The following CALN1 variants were observed in gnomAD, a reference collection of about 807,000 sequenced individuals.
CALN1 encodes calneuron 1, also known as calcium-binding protein 8.
CALN1 carries 17 observed loss-of-function variants against 30.6 expected under a neutral mutation model. The ratio of observed to expected loss-of-function variants is 0.56; its 90% CI spans 0.38 to 0.83. The LOEUF is 0.83. Among genes scored for constraint, CALN1 ranks in the 40% least tolerant of loss-of-function variants. The probability of loss-of-function intolerance (pLI) is 0.00; values close to 1 mark genes in which losing one functional copy is unlikely to be tolerated. For synonymous variants in CALN1, 156 were observed against 131.4 expected (o/e 1.19, Z -1.28); for missense variants, 291 against 354.9 (o/e 0.82, Z 1.45).
At chr7:72,337,024 C>CGCACCCCCT in intron 2 of CALN1, 1 of 985,608 alleles carries the variant, frequency 1.0e-6, no homozygotes, top group Non-Finnish European at 1.2e-6. Context: ...ACGTGTGCCC[C>CGCACCCCCT]GCACCCCCTG....
intron 2 of CALN1, among the ~76,000 whole-genome samples, chr7:72,375,630 T>G (rs1225284916): frequency 6.6e-6 from 1 of 150,874 alleles, no homozygotes; most frequent in Admixed American, 6.6e-5. Flanking sequence ...TAATACAAAA[T>G]TAGGCACATA....
At chr7:72,306,138 A>C (rs1202240637) in intron 2 of CALN1, among the ~76,000 whole-genome samples, 1 of 152,204 alleles carries the variant, frequency 6.6e-6, no homozygotes, top group South Asian at 2.1e-4. Context: ...ACACTGGTAT[A>C]ACATGACAAG....
chr7:72,169,580 C>T (rs775353923), intron 3 of CALN1, among the ~76,000 whole-genome samples: 1 of 151,642 alleles, frequency 6.6e-6, no homozygotes, highest in East Asian at 1.9e-4. Context: ...GCCTCAGCCT[C>T]TCAAAGTGCT....
intron 4 of CALN1, among the ~76,000 whole-genome samples, chr7:72,026,537 G>GT (rs1468392017): frequency 6.6e-6 from 1 of 151,754 alleles, no homozygotes; most frequent in African/African-American, 2.4e-5. Flanking sequence ...GTGAGCCAAG[G>GT]TAAGACCACT....
intron 2 of CALN1, among the ~76,000 whole-genome samples, chr7:72,390,566 CT>C (rs1270879778): frequency 6.6e-6 from 1 of 152,102 alleles, no homozygotes; most frequent in Non-Finnish European, 1.5e-5. Context: ...AAGAATATAC[CT>C]TTATTTCCAT....
chr7:72,270,194 T>A (rs1381416407), intron 3 of CALN1, among the ~76,000 whole-genome samples: 1 of 152,006 alleles, frequency 6.6e-6, no homozygotes, highest in African/African-American at 2.4e-5. Flanking sequence ...CAATGGATCA[T>A]GCCTATAATC....
At chr7:72,093,353 G>A (rs1445127249) in intron 4 of CALN1, among the ~76,000 whole-genome samples, 1 of 152,130 alleles carries the variant, frequency 6.6e-6, no homozygotes, top group Non-Finnish European at 1.5e-5. Context: ...TAGGAATCCA[G>A]CACGGTTTCT....
chr7:72,328,245 C>G (rs886649977), intron 2 of CALN1, among the ~76,000 whole-genome samples: 1 of 152,122 alleles, frequency 6.6e-6, no homozygotes, highest in South Asian at 2.1e-4. Flanking sequence ...CCTTGAATTG[C>G]AATAATACTC....
At chr7:71,919,871 C>T (rs569243330) in intron 5 of CALN1, among the ~76,000 whole-genome samples, 1 of 152,304 alleles carries the variant, frequency 6.6e-6, no homozygotes, top group South Asian at 2.1e-4. Context: ...TTTCTTGTGT[C>T]TGTAAGTGGT....
chr7:72,313,683 C>T (rs768773625), intron 2 of CALN1, among the ~76,000 whole-genome samples: 6 of 149,086 alleles, frequency 4.0e-5, no homozygotes, highest in Non-Finnish European at 4.5e-5. Flanking sequence ...AGGCATGAGG[C>T]ACCGTGCCCA....
intron 6 of CALN1, among the ~76,000 whole-genome samples, chr7:71,798,238 TTTGAGCCAGTGC>T (rs1471385996): frequency 1.4e-4 from 22 of 151,910 alleles, no homozygotes. Context: ...TCCCCCATTA[TTTGAGCCAGTGC>T]TTTTTTGGTT....
chr7:71,968,687 G>A (rs1027837302), intron 5 of CALN1, among the ~76,000 whole-genome samples: 2 of 151,840 alleles, frequency 1.3e-5, no homozygotes, highest in Non-Finnish European at 2.9e-5. Context: ...GGGACCCGGG[G>A]TGATGGAAAT....
At chr7:72,005,069 GA>G (rs1261144475) in intron 5 of CALN1, among the ~76,000 whole-genome samples, 1 of 151,962 alleles carries the variant, frequency 6.6e-6, no homozygotes, top group Non-Finnish European at 1.5e-5. Flanking sequence ...CATCACTGTG[GA>G]AAAAAAATAG....
chr7:72,441,846 C>T (rs951134801), intron 1 of CALN1, among the ~76,000 whole-genome samples: 30 of 152,060 alleles, frequency 2.0e-4, no homozygotes, highest in African/African-American at 5.1e-4. Context: ...GCTTTAAATA[C>T]CATCTGTACT....
the CALN1 span, among the ~76,000 whole-genome samples, chr7:72,459,703 C>T: frequency 6.6e-6 from 1 of 151,772 alleles, no homozygotes; most frequent in East Asian, 1.9e-4. Flanking sequence ...GCCCTCCACT[C>T]TTGCTCAAGA....
intron 5 of CALN1, among the ~76,000 whole-genome samples, chr7:71,921,044 T>C (rs1348847515): frequency 6.6e-6 from 1 of 152,192 alleles, no homozygotes; most frequent in East Asian, 1.9e-4. Flanking sequence ...GATGCGTTCA[T>C]GTCCTTTGCA....
At chr7:72,223,206 C>G (rs1585203803) in intron 3 of CALN1, among the ~76,000 whole-genome samples, 2 of 152,052 alleles carry the variant, frequency 1.3e-5, no homozygotes, top group African/African-American at 4.8e-5. Flanking sequence ...AAGAGGGGTT[C>G]CCATTCTTCT....
chr7:72,162,012 A>T (rs955164912), intron 3 of CALN1, among the ~76,000 whole-genome samples: 15 of 150,266 alleles, frequency 1.0e-4, no homozygotes, highest in African/African-American at 1.2e-4. Flanking sequence ...TATATATATT[A>T]TATATATATA....
chr7:72,212,342 A>T (rs1400553631), intron 3 of CALN1, among the ~76,000 whole-genome samples: 6 of 102,712 alleles, frequency 5.8e-5, no homozygotes, highest in East Asian at 4.9e-4. Context: ...AGAGCAACAC[A>T]CCGTCTCAAA....
Sources: allele counts gnomAD v4.1 joint callset (sites outside exome capture counted in the v4.1 genomes callset), GRCh38; gene constraint gnomAD v4.1.1; transcripts MANE v1.5; gene names NCBI Gene and HGNC (gene_info 2026-07-23, HGNC 2026-07-21).